The following CCDC150 variants were observed in gnomAD, a reference collection of about 807,000 sequenced individuals.
CCDC150 encodes the protein coiled-coil domain-containing protein 150.
A neutral mutation model predicts 156.5 loss-of-function variants in CCDC150; 151 were observed. That is an observed-to-expected ratio of 0.97 (90% CI 0.85 to 1.10). The LOEUF is 1.10. Among genes scored for constraint, CCDC150 ranks in the 50% least tolerant of loss-of-function variants. CCDC150 has a pLI of 0.00. For synonymous variants in CCDC150, 452 were observed against 429.4 expected (o/e 1.05, Z -0.65); for missense variants, 1,312 against 1,268.1 (o/e 1.03, Z -0.53).
At position 196,713,555 on chromosome 2, in the gene CCDC150, A is replaced by G. The variant is rs559804656; in HGVS notation, c.1866+816A>G. ...AACATCTCAGGATATTGGAGACTCTAGGATCTCTCTAAAGACTCTTTTGAA... is the reference window on the plus strand; with the variant it reads ...AACATCTCAGGATATTGGAGACTCTGGGATCTCTCTAAAGACTCTTTTGAA... On this transcript the variant is annotated intron_variant, in intron 17 of 27. Transcript: ENST00000389175. The G allele has an allele frequency of 1.0e-5, 16 of 1,550,132 alleles. No homozygotes were observed. The South Asian group carries it at 1.7e-4, about 16-fold the overall frequency.
intron 9 of CCDC150, among the ~76,000 whole-genome samples, chr2:196,673,963 A>G (rs890759126): frequency 6.6e-6 from 1 of 152,164 alleles, no homozygotes; most frequent in Non-Finnish European, 1.5e-5. Context: ...CTAATGAACC[A>G]GTGTTCAAAT....
chr2:196,690,782 C>T (rs1695414780), intron 13 of CCDC150, among the ~76,000 whole-genome samples: 1 of 152,086 alleles, frequency 6.6e-6, no homozygotes, highest in African/African-American at 2.4e-5. Context: ...TGTCTTGTGC[C>T]AGTTTTCAAG....
chr2:196,688,343 T>C (rs1483771401), intron 13 of CCDC150, among the ~76,000 whole-genome samples: 1 of 152,198 alleles, frequency 6.6e-6, no homozygotes, highest in Admixed American at 6.5e-5. Context: ...CCTAGGTATT[T>C]TATTCTTTTT....
At chr2:196,714,893 T>C (rs1475359289) in intron 17 of CCDC150, among the ~76,000 whole-genome samples, 1 of 152,222 alleles carries the variant, frequency 6.6e-6, no homozygotes, top group South Asian at 2.1e-4. Context: ...TTCAGTAGAT[T>C]ATCAGGACCT....
intron 1 of CCDC150, among the ~76,000 whole-genome samples, chr2:196,640,478 T>C (rs751526037): frequency 3.3e-5 from 5 of 152,208 alleles, no homozygotes; most frequent in African/African-American, 4.8e-5. Context: ...TCTTCAGAAA[T>C]TAGTCTCCAG....
intron 17 of CCDC150, chr2:196,712,949 A>AT: frequency 3.7e-6 from 2 of 539,444 alleles, no homozygotes; most frequent in East Asian, 6.0e-5. Flanking sequence ...TCATTAGGTT[A>AT]TTTTTTAAAT....
At position 196,676,557 on chromosome 2, in the gene CCDC150, T is replaced by G; in HGVS notation, c.1266T>G (p.Asp422Glu). The G allele has an allele frequency of 6.2e-7, 1 of 1,610,848 alleles. No homozygotes were observed. Among genetic ancestry groups the G allele is most frequent in the Non-Finnish European group, 8.5e-7 (1 of 1,178,498 alleles). The change falls in exon 12 of 28, where the codon GAT becomes GAG. Residue 422 changes from aspartate (D) to glutamate (E), a missense_variant. Asp to Glu is a conservative substitution (Grantham distance 45). Transcript: ENST00000389175. ...TGTTCTTGATCTCTTCCTGCAGGGA[T>G]CATTTAATCCTTGAGCATAACCAGT... The part of the protein sequence containing the change: ...NEKTQLQAHL[D>E]HLILEHNQCI...
In CCDC150 at chr2:196,639,724, GA is replaced by G; in HGVS notation, c.-40del. ...TTTAAAATGCTGTGTTAGTTCCACGGAAACCCGCTCGCCTGCTGCAGTACGG... is the reference window on the plus strand; with the variant it reads ...TTTAAAATGCTGTGTTAGTTCCACGGAACCCGCTCGCCTGCTGCAGTACGG... On this transcript the variant is annotated 5_prime_UTR_variant, in exon 1 of 28. Coordinates refer to ENST00000389175, the MANE Select transcript of CCDC150 (RefSeq NM_001080539.2). 2 of 1,518,656 alleles carry G rather than the reference GA, an allele frequency of 1.3e-6. No homozygotes were observed. The highest frequency in any genetic ancestry group is 1.9e-5 in the Admixed American group (1 of 52,990). The allele number at this position is 1,518,656 out of a possible 1,614,324, so 94.1% of individuals were successfully genotyped here.
intron 13 of CCDC150, among the ~76,000 whole-genome samples, chr2:196,689,096 T>C (rs1306484914): frequency 2.6e-5 from 4 of 152,122 alleles, no homozygotes; most frequent in African/African-American, 9.7e-5. Flanking sequence ...TCTGTTCCAT[T>C]GATCTATATC....
In CCDC150 at chr2:196,674,356, T is replaced by C. The variant is rs752197048; in HGVS notation, c.1137+8T>C. 16 of 1,574,522 alleles carry C rather than the reference T, an allele frequency of 1.0e-5. No individual in the cohort carries two copies. Among genetic ancestry groups the C allele is most frequent in the Non-Finnish European group, 1.3e-5 (15 of 1,154,892 alleles). ...CATCAGGCCATTCTGCAGGTATTCG[T>C]TTAACATGAAAGCCAACCAGAAAGC... On this transcript the variant is annotated splice_region_variant and intron_variant, in intron 10 of 27. Coordinates refer to ENST00000389175, the MANE Select transcript of CCDC150 (RefSeq NM_001080539.2).
At chr2:196,731,005 G>GCAA in intron 26 of CCDC150, 60 bp downstream of exon 26, 1 of 1,267,748 alleles carries the variant, frequency 7.9e-7, no homozygotes, top group Middle Eastern at 1.9e-4. Flanking sequence ...CAACCCTGAA[G>GCAA]CAACCCAAGT....
rs972800565 is a variant in CCDC150, at chr2:196,689,284, A to C, written c.1510-5762A>C. On this transcript the variant is annotated intron_variant, in intron 13 of 27. Transcript: ENST00000389175. Reference sequence around the variant, plus strand: ...TAGTTTTTTCCAATTCTGTGAGGAAAGTCATTGGTAGCTTGATGGGGATGG... The same window carrying C: ...TAGTTTTTTCCAATTCTGTGAGGAACGTCATTGGTAGCTTGATGGGGATGG... Among the ~76,000 whole-genome samples the C allele has an allele frequency of 3.3e-5, 5 of 152,260 alleles. No homozygotes were observed. The East Asian group carries it at 7.7e-4, about 24-fold the overall frequency.
Position 196,676,653 on chromosome 2 carries a change from A to G in CCDC150, c.1362A>G (p.Ala454=). ...VQKELLESTI[A]RLRGELEASM... ...AAGAGCTGCTAGAATCAACTATTGC[A>G]AGATTGCGAGGTGAATTGGAAGCAT... The change falls in exon 12 of 28, where the codon GCA becomes GCG. Residue 454 remains alanine (A), a synonymous_variant. Transcript: ENST00000389175. The G allele has an allele frequency of 6.2e-7, 1 of 1,613,876 alleles. No homozygotes were observed. The highest frequency in any genetic ancestry group is 1.1e-5 in the South Asian group (1 of 91,082).
At chr2:196,722,334 G>A (rs1340501125) in intron 21 of CCDC150, among the ~76,000 whole-genome samples, 5 of 152,034 alleles carry the variant, frequency 3.3e-5, no homozygotes, top group Admixed American at 2.0e-4. Flanking sequence ...GGAGTTCAGT[G>A]GTGTGATCAT....
rs775945419 is a variant in CCDC150, at chr2:196,729,354, G to A, written c.2718G>A (p.Lys906=). ...KTQIKLHLSA[K]ANNAQNIERM... is the part of the protein sequence containing the mutation. Reference sequence around the variant, plus strand: ...AAATTAAGCTCCACTTGTCAGCTAAGGCGAATAATGCTCAGAATATAGAAA... The same window carrying A: ...AAATTAAGCTCCACTTGTCAGCTAAAGCGAATAATGCTCAGAATATAGAAA... Residue 906 remains lysine (K), a synonymous_variant, in exon 23 of 28, where the codon AAG becomes AAA. Transcript: ENST00000389175. 5.6e-6 allele frequency: 9 copies of A among 1,613,746 alleles called. No individual in the cohort carries two copies. The highest frequency in any genetic ancestry group is 7.6e-6 in the Non-Finnish European group (9 of 1,179,832).
At chr2:196,658,551 ACT>A (rs1056417246) in intron 4 of CCDC150, among the ~76,000 whole-genome samples, 3 of 152,198 alleles carry the variant, frequency 2.0e-5, no homozygotes, top group Non-Finnish European at 4.4e-5. Flanking sequence ...GCGATTAATC[ACT>A]GTTTATGATA....
At position 196,642,909 on chromosome 2, in the gene CCDC150, T is replaced by A. The variant is rs181049446; in HGVS notation, c.12+3131T>A. ...CACAGGCCACCATGCCCAGCTCATTTTTAAAAATTTTTGGAAGAGAATAGG... is the reference window on the plus strand; with the variant it reads ...CACAGGCCACCATGCCCAGCTCATTATTAAAAATTTTTGGAAGAGAATAGG... On this transcript the variant is annotated intron_variant, in intron 1 of 27. Transcript: ENST00000389175. Among the ~76,000 whole-genome samples the A allele has an allele frequency of 5.3e-3, 805 of 152,238 alleles. 4 individuals carry two copies. The highest frequency in any genetic ancestry group is 9.6e-3 in the Non-Finnish European group (652 of 68,006).
chr2:196,706,077 G>A (rs1297407396), intron 15 of CCDC150, among the ~76,000 whole-genome samples: 1 of 151,962 alleles, frequency 6.6e-6, no homozygotes, highest in Non-Finnish European at 1.5e-5. Context: ...AGTGAAGAAA[G>A]TCATTGGTAG....
intron 15 of CCDC150, among the ~76,000 whole-genome samples, chr2:196,706,560 G>A (rs150639355): frequency 0.012 from 1,798 of 152,320 alleles, 38 homozygotes; most frequent in African/African-American, 0.041. Context: ...TTGAATAGGA[G>A]TGGTGAGAGA....
Sources: allele counts gnomAD v4.1 joint callset (sites outside exome capture counted in the v4.1 genomes callset), GRCh38; gene constraint gnomAD v4.1.1; transcripts MANE v1.5; gene names NCBI Gene and HGNC (gene_info 2026-07-23, HGNC 2026-07-21).